Variants in LIPA observed in about 807,000 individuals in gnomAD.
LIPA encodes lipase A, lysosomal acid type.
LIPA carries 26 observed loss-of-function variants against 40.6 expected under a neutral mutation model. That is an observed-to-expected ratio of 0.64 (90% confidence interval 0.47 to 0.89). LIPA has a LOEUF of 0.89. LIPA is among the 40% of genes least tolerant of loss of function. The pLI, the probability that LIPA is intolerant of heterozygous loss-of-function variation, is 0.00. For missense variants in LIPA, 455 were observed against 479.6 expected (o/e 0.95, Z 0.48); for synonymous variants, 188 against 168.4 (o/e 1.12, Z -0.90).
rs149051735 is a variant in LIPA, at chr10:89,391,095, T to C, written c.61+21696A>G. Among the ~76,000 whole-genome samples, 291 of 152,380 alleles carry C rather than the reference T, an allele frequency of 1.9e-3. 2 individuals carry two copies. Among genetic ancestry groups the C allele is most frequent in the African/African-American group, 6.8e-3 (283 of 41,590 alleles). ...GAGTTGAGCAGAAACTGTTTAGATC[T>C]GGCAGTGTGCCCAGTTAAGTGTTTC... On this transcript the variant is annotated intron_variant, in intron 2 of 8. Coordinates refer to the LIPA transcript ENST00000371837.
At chr10:89,245,114 T>C (rs1282540982) in intron 3 of LIPA, among the ~76,000 whole-genome samples, 2 of 152,146 alleles carry the variant, frequency 1.3e-5, no homozygotes, top group Non-Finnish European at 1.5e-5. Flanking sequence ...CTCCAAGATA[T>C]TAAGTAAAAA....
chr10:89,245,029 TA>T (rs1359368284), intron 3 of LIPA, among the ~76,000 whole-genome samples: 1 of 152,100 alleles, frequency 6.6e-6, no homozygotes, highest in Non-Finnish European at 1.5e-5. Flanking sequence ...ACTTGGTAAA[TA>T]AATAATGATA....
At chr10:89,382,874 G>T (rs1056713846) in intron 2 of LIPA, among the ~76,000 whole-genome samples, 5 of 152,196 alleles carry the variant, frequency 3.3e-5, no homozygotes, top group African/African-American at 7.2e-5. Flanking sequence ...TGGGAGGAGA[G>T]AAAACCAAAA....
At position 89,414,405 on chromosome 10, in the gene LIPA, A is replaced by G. The variant is rs1841507644; in HGVS notation, c.-72+2T>C. ...CACGGGCAGCATGCGAACTCAGCGTACTCAGGGAGGCAGATAAAAGCCGAG... is the reference window on the plus strand; with the variant it reads ...CACGGGCAGCATGCGAACTCAGCGTGCTCAGGGAGGCAGATAAAAGCCGAG... On this transcript the variant is annotated splice_donor_variant, in intron 1 of 8. Coordinates refer to the LIPA transcript ENST00000371837. LOFTEE classifies it low-confidence loss of function (5UTR_SPLICE). 4.8e-6 allele frequency: 1 copy of G among 207,216 alleles called. No homozygotes were observed. The highest frequency in any genetic ancestry group is 1.5e-4 in the South Asian group (1 of 6,528). The allele number at this position is 207,216 out of a possible 1,614,324, so 12.8% of individuals were successfully genotyped here.
chr10:89,375,712 C>T (rs1030748949), intron 2 of LIPA, among the ~76,000 whole-genome samples: 11 of 152,148 alleles, frequency 7.2e-5, no homozygotes, highest in African/African-American at 2.4e-4. Context: ...TTCCCTCATT[C>T]CCCTGAATGG....
At chr10:89,240,461 A>C (rs1210195464) in intron 3 of LIPA, among the ~76,000 whole-genome samples, 1 of 152,156 alleles carries the variant, frequency 6.6e-6, no homozygotes. Flanking sequence ...GTATTTATTC[A>C]TTAATATTTT....
At chr10:89,399,050 T>TTA (rs1554881069) in intron 2 of LIPA, among the ~76,000 whole-genome samples, 4 of 152,286 alleles carry the variant, frequency 2.6e-5, no homozygotes, top group Middle Eastern at 3.4e-3. Context: ...GCTTTTTTTT[T>TTA]AAAATAATAG....
chr10:89,406,950 A>C (rs1465182706), intron 2 of LIPA, among the ~76,000 whole-genome samples: 1 of 152,176 alleles, frequency 6.6e-6, no homozygotes, highest in Non-Finnish European at 1.5e-5. Flanking sequence ...TCGGGGGCTA[A>C]ATACTGGGCA....
At chr10:89,301,811 A>G (rs549138155) in intron 1 of LIPA, 162 of 293,890 alleles carry the variant, frequency 5.5e-4, no homozygotes, top group Non-Finnish European at 8.5e-4. Flanking sequence ...CCCATCTTTA[A>G]GTGAAGCACC....
chr10:89,393,195 G>A, intron 2 of LIPA: 10 of 1,290,078 alleles, frequency 7.8e-6, no homozygotes, highest in Non-Finnish European at 1.0e-5. Flanking sequence ...GTAATACAGT[G>A]GAGATGTGGT....
chr10:89,253,177 G>A (rs1843155315), upstream of LIPA, among the ~76,000 whole-genome samples: 1 of 152,198 alleles, frequency 6.6e-6, no homozygotes, highest in Non-Finnish European at 1.5e-5. Context: ...AGTTTAGAAA[G>A]ATCATTCTGA....
chr10:89,228,393 T>C lies in LIPA; in HGVS notation c.235A>G (p.Lys79Glu). 2 of 1,614,216 alleles carry C rather than the reference T, an allele frequency of 1.2e-6. No individual in the cohort carries two copies. Among genetic ancestry groups the C allele is most frequent in the Non-Finnish European group, 1.7e-6 (2 of 1,180,018 alleles). The change falls in exon 4 of 10, where the codon AAA becomes GAA. Residue 79 changes from lysine (K) to glutamate (E), a missense_variant. Transcript: ENST00000336233. ...CCATGTTGCAGGAAGACAACTGGTTTGGGACCTGAAAAACATTCATTGTTT... is the reference window on the plus strand; with the variant it reads ...CCATGTTGCAGGAAGACAACTGGTTCGGGACCTGAAAAACATTCATTGTTT... Reference protein sequence around the residue: ...GRKNHSDKGPKPVVFLQHGLL... With the variant: ...GRKNHSDKGPEPVVFLQHGLL...
At position 89,225,238 on chromosome 10, in the gene LIPA, C is replaced by A; in HGVS notation, c.539-10G>T. 1 of 1,614,084 alleles carries A rather than the reference C, an allele frequency of 6.2e-7. No individual in the cohort carries two copies. On this transcript the variant is annotated splice_polypyrimidine_tract_variant and intron_variant, in intron 5 of 9. Transcript: ENST00000336233. ...GAAAATGCTATAAAACCTGTGAGAACAAAGGACAGAAAACAGGAATTCCAT... is the reference window on the plus strand; with the variant it reads ...GAAAATGCTATAAAACCTGTGAGAAAAAAGGACAGAAAACAGGAATTCCAT...
chr10:89,358,314 G>C (rs1179281606), intron 2 of LIPA, among the ~76,000 whole-genome samples: 1 of 152,128 alleles, frequency 6.6e-6, no homozygotes, highest in African/African-American at 2.4e-5. Context: ...CAGAGAATGG[G>C]GAACCTTATA....
chr10:89,232,642 A>G (rs902441414), intron 3 of LIPA, among the ~76,000 whole-genome samples: 1 of 152,172 alleles, frequency 6.6e-6, no homozygotes. Context: ...AAGGAGGGTG[A>G]TATGTGGCAG....
At chr10:89,412,967 C>T (rs1318092999) in intron 1 of LIPA, 1 of 202,734 alleles carries the variant, frequency 4.9e-6, no homozygotes, top group Non-Finnish European at 1.1e-5. Flanking sequence ...ACGTATTAAG[C>T]TCAGCATCAC....
intron 1 of LIPA, among the ~76,000 whole-genome samples, chr10:89,271,075 A>G (rs1843263367): frequency 6.6e-6 from 1 of 152,222 alleles, no homozygotes; most frequent in Non-Finnish European, 1.5e-5. Flanking sequence ...CTGAAGGCAC[A>G]AGTCACATGA....
intron 8 of LIPA, among the ~76,000 whole-genome samples, chr10:89,217,840 TG>T (rs1271958542): frequency 6.6e-6 from 1 of 152,250 alleles, no homozygotes; most frequent in Non-Finnish European, 1.5e-5. Context: ...AGAGAATGTC[TG>T]GGCATTTCTT....
chr10:89,360,551 G>A (rs1001386833), intron 2 of LIPA, among the ~76,000 whole-genome samples: 1 of 152,142 alleles, frequency 6.6e-6, no homozygotes, highest in Non-Finnish European at 1.5e-5. Flanking sequence ...TAAGAGTGAT[G>A]GTTTAAAAAG....
Sources: allele counts gnomAD v4.1 joint callset (sites outside exome capture counted in the v4.1 genomes callset), GRCh38; gene constraint gnomAD v4.1.1; transcripts MANE v1.5; gene names NCBI Gene and HGNC (gene_info 2026-07-23, HGNC 2026-07-21).